The following YAP1 variants were observed in gnomAD, a reference collection of about 807,000 sequenced individuals.
YAP1 encodes the protein Yes1 associated transcriptional regulator.
A neutral mutation model predicts 56.9 loss-of-function variants in YAP1; 5 were observed. The ratio of observed to expected loss-of-function variants is 0.09; its 90% CI spans 0.05 to 0.18. YAP1 has a LOEUF of 0.18. YAP1 is among the 10% of genes least tolerant of loss of function. The pLI is 1.00. For synonymous variants in YAP1, 265 were observed against 248.1 expected (o/e 1.07, Z -0.64); for missense variants, 539 against 651.8 (o/e 0.83, Z 1.88).
rs34552492 is a variant in YAP1 at position 102,161,345 on chromosome 11, TACACACACAC to T, written c.573-1078_573-1069del. 3.6e-3 allele frequency among the ~76,000 whole-genome samples: 513 copies of T among 141,226 alleles called. 3 individuals are homozygous for T. The highest frequency in any genetic ancestry group is 8.4e-3 in the African/African-American group (319 of 37,916). The allele number at this position is 141,226 out of a possible 152,430, so 92.6% of individuals were successfully genotyped here. On this transcript the variant is annotated intron_variant, in intron 2 of 8. Transcript: ENST00000282441. Reference sequence around the variant, plus strand: ...CCAGAGTCTTTCTGTGTACTTTCACTACACACACACACACACACACACACACACACACACA... The same window carrying T: ...CCAGAGTCTTTCTGTGTACTTTCACTACACACACACACACACACACACACA...
chr11:102,124,364 T>G (rs1040012123), intron 2 of YAP1, among the ~76,000 whole-genome samples: 1 of 152,218 alleles, frequency 6.6e-6, no homozygotes, highest in East Asian at 1.9e-4. Flanking sequence ...TCTGTTGATA[T>G]GCTCTTTTAA....
intron 3 of YAP1, among the ~76,000 whole-genome samples, chr11:102,177,602 A>G (rs2114308): frequency 0.46 from 69,890 of 150,330 alleles, 16,479 homozygotes; most frequent in East Asian, 0.63. Flanking sequence ...GCTTGAACCC[A>G]GCAGGTGGAG....
chr11:102,219,707 A>T (rs1949827741), intron 6 of YAP1, among the ~76,000 whole-genome samples: 1 of 151,990 alleles, frequency 6.6e-6, no homozygotes, highest in Admixed American at 6.6e-5. Flanking sequence ...AGGTGGCAAG[A>T]GGGGCCAGAA....
chr11:102,180,377 T>C (rs916314000), intron 3 of YAP1, among the ~76,000 whole-genome samples: 1 of 151,972 alleles, frequency 6.6e-6, no homozygotes, highest in Non-Finnish European at 1.5e-5. Flanking sequence ...GAAGAAAACA[T>C]GCATAATGAA....
chr11:102,158,323 A>T (rs1466465707), intron 2 of YAP1, among the ~76,000 whole-genome samples: 1 of 152,216 alleles, frequency 6.6e-6, no homozygotes, highest in African/African-American at 2.4e-5. Context: ...TTAACTCCTC[A>T]GATTAGTGGT....
chr11:102,132,549 A>G (rs932012709), intron 2 of YAP1, among the ~76,000 whole-genome samples: 3 of 152,230 alleles, frequency 2.0e-5, no homozygotes, highest in Non-Finnish European at 4.4e-5. Flanking sequence ...AAACATTGTT[A>G]ACTATAATTG....
chr11:102,210,514 T>C lies in YAP1; in HGVS notation c.1032+950T>C, dbSNP rs1445671473. On this transcript the variant is annotated intron_variant, in intron 6 of 8. Coordinates refer to ENST00000282441, the MANE Select transcript of YAP1 (RefSeq NM_001130145.3). ...CCAGTTAATTTTGTGAGAGGGAAAATCTCTATTCTTCTTTATCTATCTCAT... is the reference window on the plus strand; with the variant it reads ...CCAGTTAATTTTGTGAGAGGGAAAACCTCTATTCTTCTTTATCTATCTCAT... Among the ~76,000 whole-genome samples the C allele has an allele frequency of 3.3e-5, 5 of 152,110 alleles. No homozygotes were observed. The South Asian group carries it at 1.0e-3, about 32-fold the overall frequency.
chr11:102,161,388 TAAAC>T (rs947459848), intron 2 of YAP1, among the ~76,000 whole-genome samples: 3 of 132,354 alleles, frequency 2.3e-5, no homozygotes, highest in East Asian at 4.5e-4. Flanking sequence ...ACACACACAC[TAAAC>T]AATTAGCCTT....
At chr11:102,112,425 C>CTTTTTTTTTTTTTTTTTT (rs751339753) in intron 1 of YAP1, 28 of 704,124 alleles carry the variant, frequency 4.0e-5, no homozygotes, top group African/African-American at 2.5e-4. Flanking sequence ...ATTTCTTCTT[C>CTTTTTTTTTTTTTTTTTT]TTTTTTTTTT....
chr11:102,215,450 G>A (rs1949612557), intron 6 of YAP1, among the ~76,000 whole-genome samples: 1 of 152,150 alleles, frequency 6.6e-6, no homozygotes, highest in Admixed American at 6.6e-5. Context: ...TGACTAGGTA[G>A]TTAGCTCCCC....
At chr11:102,190,962 G>A (rs1482594560) in intron 4 of YAP1, among the ~76,000 whole-genome samples, 1 of 151,068 alleles carries the variant, frequency 6.6e-6, no homozygotes, top group Non-Finnish European at 1.5e-5. Flanking sequence ...GGATCATGAG[G>A]TTAGAGATCA....
chr11:102,211,528 G>C (rs1180957711), intron 6 of YAP1, among the ~76,000 whole-genome samples: 1 of 152,162 alleles, frequency 6.6e-6, no homozygotes, highest in Non-Finnish European at 1.5e-5. Flanking sequence ...TGGCATAATT[G>C]TGGAAAGTTA....
At chr11:102,140,871 A>G (rs887194555) in intron 2 of YAP1, among the ~76,000 whole-genome samples, 1 of 151,854 alleles carries the variant, frequency 6.6e-6, no homozygotes, top group South Asian at 2.1e-4. Flanking sequence ...CTTAATCCCT[A>G]CGTTCTCTTG....
intron 6 of YAP1, among the ~76,000 whole-genome samples, chr11:102,218,019 T>C (rs974026967): frequency 2.6e-5 from 4 of 152,184 alleles, no homozygotes; most frequent in Non-Finnish European, 5.9e-5. Flanking sequence ...TTATCTTGAT[T>C]GTAGTGGCAG....
chr11:102,123,371 G>C (rs964111280), intron 2 of YAP1, among the ~76,000 whole-genome samples: 1 of 152,122 alleles, frequency 6.6e-6, no homozygotes, highest in African/African-American at 2.4e-5. Flanking sequence ...GTTAGGATGT[G>C]CCTTGGCTTT....
At chr11:102,193,823 T>G (rs1025890809) in intron 4 of YAP1, among the ~76,000 whole-genome samples, 35 of 150,246 alleles carry the variant, frequency 2.3e-4, no homozygotes, top group African/African-American at 5.1e-4. Flanking sequence ...TTTTTGGGGG[T>G]TTTTTTTTGT....
chr11:102,153,383 A>T (rs2135359628), intron 2 of YAP1, among the ~76,000 whole-genome samples: 1 of 152,198 alleles, frequency 6.6e-6, no homozygotes, highest in East Asian at 1.9e-4. Flanking sequence ...AAAACATTTT[A>T]TGAAAACTCT....
intron 2 of YAP1, among the ~76,000 whole-genome samples, chr11:102,162,182 ATTATC>A (rs1237422458): frequency 6.6e-6 from 1 of 152,224 alleles, no homozygotes; most frequent in African/African-American, 2.4e-5. Flanking sequence ...AGGGGTAATA[ATTATC>A]TTAATAGTTG....
At chr11:102,206,707 G>A (rs1949139734) in intron 5 of YAP1, among the ~76,000 whole-genome samples, 1 of 152,154 alleles carries the variant, frequency 6.6e-6, no homozygotes, top group Non-Finnish European at 1.5e-5. Flanking sequence ...GCCAAGCGTG[G>A]TGGCACACAC....
Sources: gnomAD v4.1 joint callset for allele counts (sites outside exome capture counted in the v4.1 genomes callset) on GRCh38, gnomAD v4.1.1 for gene constraint, MANE v1.5 for transcripts, NCBI Gene and HGNC (gene_info 2026-07-23, HGNC 2026-07-21) for gene names.